CLPTM1: variants seen among roughly 807,000 people sequenced by gnomAD.
The protein encoded by CLPTM1 is CLPTM1 regulator of GABA type A receptor forward trafficking, also known as putative lipid scramblase CLPTM1.
A neutral mutation model predicts 77.3 loss-of-function variants in CLPTM1; 21 were observed. The observed-to-expected ratio is 0.27, with a 90% CI of 0.19 to 0.39. The LOEUF (loss-of-function observed/expected upper bound fraction) is 0.39, where lower values mean the gene tolerates loss of function less well. Ranked by LOEUF, CLPTM1 falls within the 10% of genes least tolerant of loss-of-function variation. The pLI is 1.00. For synonymous variants in CLPTM1, 373 were observed against 381.0 expected (o/e 0.98, Z 0.24); for missense variants, 642 against 921.2 (o/e 0.70, Z 3.92).
chr19:44,961,971 C>T lies in CLPTM1; in HGVS notation c.81C>T (p.Ser27=). ...GCCTCTGTCCCCCACAGGTGACCAG[C>T]AATGGCAGCATCGGGAGGGACCCGC... ...AGGGSSGQVT[S]NGSIGRDPPA... Residue 27 remains serine, a synonymous_variant, in exon 2 of 14, where the codon AGC becomes AGT. Coordinates refer to ENST00000337392, the MANE Select transcript of CLPTM1 (RefSeq NM_001294.4). The T allele has an allele frequency of 6.2e-7, 1 of 1,604,598 alleles. No individual in the cohort carries two copies. Among genetic ancestry groups the T allele is most frequent in the Non-Finnish European group, 8.5e-7 (1 of 1,176,608 alleles).
upstream of CLPTM1, chr19:44,955,067 G>A: frequency 6.5e-7 from 1 of 1,535,744 alleles, no homozygotes; most frequent in Non-Finnish European, 8.7e-7. Context: ...TGTCCCGAAA[G>A]GCTCATATAA....
At position 44,972,389 on chromosome 19, in the gene CLPTM1, A is replaced by C. The variant is rs549285440; in HGVS notation, c.186-698A>C. 9.2e-4 allele frequency among the ~76,000 whole-genome samples: 140 copies of C among 151,852 alleles called. 1 individual carries two copies. Among genetic ancestry groups the C allele is most frequent in the Non-Finnish European group, 2.5e-4 (17 of 67,960 alleles). On this transcript the variant is annotated intron_variant, in intron 2 of 13. Coordinates refer to ENST00000337392, the MANE Select transcript of CLPTM1 (RefSeq NM_001294.4). ...CAGCCTCCGGAGTAGCTGGGACTAC[A>C]GGCGCCCGCCACCATGCCCAGCTAA...
rs539922013 is a variant in CLPTM1 at position 44,991,862 on chromosome 19, G to A, written c.1556-371G>A. The stretch of plus-strand genomic sequence containing the variant: ...TGAAGCTGCAGTGAGCCATGATTAC[G>A]CCACTGCACTCCAGCCTGGGTGACA... On this transcript the variant is annotated intron_variant, in intron 12 of 13. Coordinates refer to ENST00000337392, the MANE Select transcript of CLPTM1 (RefSeq NM_001294.4). The surrounding 1 kb of genome is among the most constrained non-coding windows in gnomAD (Gnocchi z 5.4). Among the ~76,000 whole-genome samples, 4 of 152,142 alleles carry A rather than the reference G, an allele frequency of 2.6e-5. No individual in the cohort carries two copies. Among genetic ancestry groups the A allele is most frequent in the Middle Eastern group, 3.4e-3 (1 of 294 alleles).
intron 1 of CLPTM1, 151 bp from the exon 2 acceptor site, chr19:44,961,812 C>T (rs1970547794): frequency 6.0e-6 from 3 of 497,742 alleles, no homozygotes; most frequent in South Asian, 5.8e-5. Context: ...AAGAGGACCG[C>T]ACCTTCCCAG....
rs746443345 is a variant in CLPTM1 at position 44,990,886 on chromosome 19, C to T, written c.1360C>T (p.Arg454Cys). 1.4e-5 allele frequency: 22 copies of T among 1,613,916 alleles called. No individual in the cohort carries two copies. Among genetic ancestry groups the T allele is most frequent in the East Asian group, 8.9e-5 (4 of 44,874 alleles). The change falls in exon 11 of 14, where the codon CGC becomes TGC. Residue 454 changes from arginine to cysteine, a missense_variant. Physicochemically the swap from Arg to Cys is radical, Grantham distance 180. This residue lies in a region of CLPTM1 where 521 missense variants were observed against 800.4 expected (regional missense o/e 0.65). Coordinates refer to ENST00000337392, the MANE Select transcript of CLPTM1 (RefSeq NM_001294.4). The surrounding 1 kb of genome is among the most constrained non-coding windows in gnomAD (Gnocchi z 4.8). The stretch of plus-strand genomic sequence containing the variant: ...GCACAGGGTGGCAGGAATCTTCCCC[C>T]GCCTATCCTTCAAGGACAAGTCCAC... ...REHRVAGIFP[R>C]LSFKDKSTYI...
intron 5 of CLPTM1, among the ~76,000 whole-genome samples, chr19:44,980,153 A>G (rs1970871732): frequency 6.6e-6 from 1 of 152,148 alleles, no homozygotes; most frequent in African/African-American, 2.4e-5. Context: ...AAGCAGGGAC[A>G]TAGAAGGACT....
rs537556669 is a variant in CLPTM1 at position 44,989,038 on chromosome 19, C to T, written c.1132+865C>T. Among the ~76,000 whole-genome samples, 12 of 152,280 alleles carry T rather than the reference C, an allele frequency of 7.9e-5. No individual in the cohort carries two copies. In the South Asian group the frequency reaches 1.4e-3, roughly 18 times the overall value. Reference sequence around the variant, plus strand: ...CTACACAATTTTTTTTAAGAATTAGCTGGGCATGGCAGCGTGTGCCTATGG... The same window carrying T: ...CTACACAATTTTTTTTAAGAATTAGTTGGGCATGGCAGCGTGTGCCTATGG... On this transcript the variant is annotated intron_variant, in intron 9 of 13. Coordinates refer to ENST00000337392, the MANE Select transcript of CLPTM1 (RefSeq NM_001294.4).
At chr19:44,955,057 T>A (rs1356232696), upstream of CLPTM1, 8 of 1,535,670 alleles carry the variant, frequency 5.2e-6, no homozygotes, top group Admixed American at 3.9e-5. Context: ...GCGGACAGGA[T>A]GTCCCGAAAG....
At chr19:44,987,687 CT>C (rs1971003487) in intron 8 of CLPTM1, 11 of 561,150 alleles carry the variant, frequency 2.0e-5, no homozygotes, top group Non-Finnish European at 3.5e-5. Flanking sequence ...TGTCCCAGAC[CT>C]TGTGTCCCTG....
intron 3 of CLPTM1, among the ~76,000 whole-genome samples, chr19:44,973,706 C>T (rs1039792599): frequency 6.7e-6 from 1 of 149,506 alleles, no homozygotes; most frequent in Non-Finnish European, 1.5e-5. Flanking sequence ...CTTTTCTGAG[C>T]AAACATGGCC....
intron 2 of CLPTM1, among the ~76,000 whole-genome samples, chr19:44,966,904 C>T (rs983036956): frequency 3.0e-4 from 45 of 151,958 alleles, no homozygotes; most frequent in Non-Finnish European, 4.1e-4. Flanking sequence ...TGCAGTGGCG[C>T]GATCTCGGCT....
intron 2 of CLPTM1, among the ~76,000 whole-genome samples, chr19:44,963,947 T>A (rs560800167): frequency 3.3e-5 from 5 of 151,048 alleles, no homozygotes; most frequent in African/African-American, 9.7e-5. Context: ...TTTTTTTTTT[T>A]ATTAGAGATG....
At chr19:44,964,272 A>G (rs1334275807) in intron 2 of CLPTM1, among the ~76,000 whole-genome samples, 1 of 106,464 alleles carries the variant, frequency 9.4e-6, no homozygotes, top group African/African-American at 3.6e-5. Flanking sequence ...CAAATTTACC[A>G]TTTTAACCTA....
chr19:44,993,281 C>T lies in CLPTM1; in HGVS notation c.*384C>T. The T allele has an allele frequency of 2.2e-6, 1 of 448,692 alleles. No individual in the cohort carries two copies. Among genetic ancestry groups the T allele is most frequent in the Admixed American group, 2.6e-5 (1 of 38,246 alleles). The allele number at this position is 448,692 out of a possible 1,614,324, so 27.8% of individuals were successfully genotyped here. Reference sequence around the variant, plus strand: ...CCCCTACCACACTCCCCCTCCTAGACCGCCGCCCTTTAACACAGTCTGGAT... The same window carrying T: ...CCCCTACCACACTCCCCCTCCTAGATCGCCGCCCTTTAACACAGTCTGGAT... On this transcript the variant is annotated 3_prime_UTR_variant, in exon 14 of 14. Coordinates refer to ENST00000337392, the MANE Select transcript of CLPTM1 (RefSeq NM_001294.4).
intron 4 of CLPTM1, among the ~76,000 whole-genome samples, chr19:44,976,819 G>A (rs1260887611): frequency 1.3e-5 from 2 of 152,218 alleles, no homozygotes; most frequent in East Asian, 1.9e-4. Context: ...CCCTTGGCAT[G>A]AGCCCCGTTT....
chr19:44,973,776 T>TTTTTG (rs1181774266), intron 3 of CLPTM1, among the ~76,000 whole-genome samples: 5 of 147,462 alleles, frequency 3.4e-5, no homozygotes, highest in Non-Finnish European at 7.5e-5. Flanking sequence ...TTTTTTTTTT[T>TTTTTG]TTTTTGAGAT....
chr19:44,983,617 CAAAAAAAAAA>C (rs35582067), intron 5 of CLPTM1, among the ~76,000 whole-genome samples: 90 of 39,796 alleles, frequency 2.3e-3, no homozygotes, highest in South Asian at 0.015. Context: ...GACTCTGTCT[CAAAAAAAAAA>C]AAAAAAAAAA....
intron 5 of CLPTM1, among the ~76,000 whole-genome samples, chr19:44,979,221 C>A (rs533822937): frequency 1.5e-4 from 23 of 152,206 alleles, no homozygotes; most frequent in African/African-American, 5.5e-4. Context: ...CTCAAGTGAT[C>A]GTCTGCCTCG....
chr19:44,986,929 C>A, intron 7 of CLPTM1: 1 of 560,838 alleles, frequency 1.8e-6, no homozygotes, highest in East Asian at 3.0e-5. Flanking sequence ...TACATGGTCA[C>A]CCACAGGGCA....
Sources: allele counts gnomAD v4.1 joint callset (sites outside exome capture counted in the v4.1 genomes callset), GRCh38; gene constraint gnomAD v4.1.1; regional missense constraint gnomAD v4.1.1; non-coding constraint Gnocchi (gnomAD v3.1); transcripts MANE v1.5; gene names NCBI Gene and HGNC (gene_info 2026-07-23, HGNC 2026-07-21).